The following EEIG2 variants were observed in gnomAD, a reference collection of about 807,000 sequenced individuals.
The protein encoded by EEIG2 is family with sequence similarity 102 member B.
the EEIG2 span, among the ~76,000 whole-genome samples, chr1:108,634,372 CTGT>C: frequency 6.6e-6 from 1 of 152,258 alleles, no homozygotes; most frequent in East Asian, 1.9e-4. Context: ...TACCTTACTT[CTGT>C]TGTTTAGAAT....
At chr1:108,637,836 C>T in the EEIG2 span, 6 of 152,646 alleles carry the variant, frequency 3.9e-5, no homozygotes, top group East Asian at 1.9e-4. Context: ...TGCTGAGACC[C>T]GACAGATCAT....
At chr1:108,594,853 A>G in the EEIG2 span, among the ~76,000 whole-genome samples, 1 of 152,298 alleles carries the variant, frequency 6.6e-6, no homozygotes, top group East Asian at 1.9e-4. Flanking sequence ...GTCCATATTT[A>G]TAATGCTGTG....
At chr1:108,620,196 A>G in the EEIG2 span, among the ~76,000 whole-genome samples, 1 of 152,154 alleles carries the variant, frequency 6.6e-6, no homozygotes, top group Non-Finnish European at 1.5e-5. Context: ...CTATCTTTAA[A>G]TTTTTCATGA....
the EEIG2 span, among the ~76,000 whole-genome samples, chr1:108,632,598 T>C: frequency 2.0e-5 from 3 of 152,168 alleles, no homozygotes; most frequent in Non-Finnish European, 4.4e-5. Context: ...AGTTAGAGAC[T>C]TGGGTTCACA....
the EEIG2 span, among the ~76,000 whole-genome samples, chr1:108,580,543 A>T: frequency 6.6e-6 from 1 of 152,190 alleles, no homozygotes; most frequent in Non-Finnish European, 1.5e-5. Context: ...TGCAAAGGAA[A>T]GGTTGTAGAA....
At chr1:108,617,774 A>G in the EEIG2 span, among the ~76,000 whole-genome samples, 1 of 152,232 alleles carries the variant, frequency 6.6e-6, no homozygotes, top group Admixed American at 6.5e-5. Context: ...AAAGCAAAGC[A>G]GAGTCCTGTC....
the EEIG2 span, chr1:108,560,285 G>A: frequency 6.7e-6 from 3 of 448,066 alleles, no homozygotes; most frequent in South Asian, 9.2e-5. Context: ...GGCCCCGGCC[G>A]CGGCCGGCCT....
chr1:108,560,122 A>AGGC, the EEIG2 span: 6,412 of 174,612 alleles, frequency 0.037, 156 homozygotes, highest in Middle Eastern at 0.074. Context: ...GCGGCGGCGG[A>AGGC]GGCGGCGGCG....
chr1:108,582,067 A>G, the EEIG2 span, among the ~76,000 whole-genome samples: 4,068 of 152,318 alleles, frequency 0.027, 80 homozygotes, highest in Middle Eastern at 0.078. Context: ...TTTGCTACCA[A>G]CAAAAAGATT....
chr1:108,615,125 A>G, the EEIG2 span, among the ~76,000 whole-genome samples: 2 of 152,224 alleles, frequency 1.3e-5, no homozygotes, highest in African/African-American at 4.8e-5. Flanking sequence ...AACAATGTAC[A>G]TATTCTTGTA....
chr1:108,606,031 A>G, the EEIG2 span, among the ~76,000 whole-genome samples: 1 of 152,240 alleles, frequency 6.6e-6, no homozygotes, highest in Admixed American at 6.5e-5. Flanking sequence ...GATTAAAGTT[A>G]AATGCTAAAT....
At chr1:108,611,149 C>T in the EEIG2 span, among the ~76,000 whole-genome samples, 20,821 of 152,146 alleles carry the variant, frequency 0.14, 2,072 homozygotes, top group African/African-American at 0.28. Context: ...AAATATTCAT[C>T]TTGAATGCCA....
At chr1:108,627,925 CTG>C in the EEIG2 span, 1 of 486,898 alleles carries the variant, frequency 2.1e-6, no homozygotes, top group East Asian at 3.3e-5. Flanking sequence ...TAATAAAGGA[CTG>C]AAATAATTTT....
chr1:108,629,697 AT>A, the EEIG2 span: 1 of 1,483,536 alleles, frequency 6.7e-7, no homozygotes, highest in Non-Finnish European at 9.3e-7. Flanking sequence ...ATATAGACTA[AT>A]TTTTTTAAAA....
At chr1:108,630,966 A>G in the EEIG2 span, 2 of 184,536 alleles carry the variant, frequency 1.1e-5, no homozygotes, top group East Asian at 1.6e-4. Context: ...TGTCCAGCAC[A>G]TTACAAGGCT....
the EEIG2 span, chr1:108,606,333 A>C: frequency 4.1e-6 from 4 of 969,480 alleles, no homozygotes; most frequent in Non-Finnish European, 6.1e-6. Context: ...TAAATTGTTT[A>C]CTCTTCTAAT....
chr1:108,635,089 T>C, the EEIG2 span: 1 of 1,613,878 alleles, frequency 6.2e-7, no homozygotes, highest in East Asian at 2.2e-5. Context: ...TTTGAAGTTT[T>C]TTTCCACTGC....
At chr1:108,568,239 G>A in the EEIG2 span, among the ~76,000 whole-genome samples, 531 of 152,234 alleles carry the variant, frequency 3.5e-3, no homozygotes, top group African/African-American at 0.012. Flanking sequence ...TGGGAGAAAA[G>A]ATCTGTTGTA....
chr1:108,612,202 G>A, the EEIG2 span: 2 of 1,612,438 alleles, frequency 1.2e-6, no homozygotes, highest in Non-Finnish European at 8.5e-7. Flanking sequence ...TCTAAACCTG[G>A]CAGAGTTTGC....
Sources: allele counts gnomAD v4.1 joint callset (sites outside exome capture counted in the v4.1 genomes callset), GRCh38; gene constraint gnomAD v4.1.1; transcripts MANE v1.5; gene names NCBI Gene and HGNC (gene_info 2026-07-23, HGNC 2026-07-21).